Variants in SIRT4 observed in about 807,000 individuals in gnomAD.
SIRT4 encodes the protein sirtuin 4, also known as NAD-dependent protein lipoamidase sirtuin-4, mitochondrial.
Under a neutral mutation model 26.1 loss-of-function variants are expected in SIRT4, and 23 were observed. That is an observed-to-expected ratio of 0.88 (90% CI 0.63 to 1.25). SIRT4 has a LOEUF of 1.25. Ranked by LOEUF, SIRT4 falls within the 50% of genes most tolerant of loss-of-function variation. SIRT4 has a pLI of 0.00. For missense variants in SIRT4, 361 were observed against 405.4 expected (o/e 0.89, Z 0.94); for synonymous variants, 155 against 158.4 (o/e 0.98, Z 0.16).
chr12:120,305,405 C>T (rs986683518), intron 2 of SIRT4, among the ~76,000 whole-genome samples: 2 of 151,856 alleles, frequency 1.3e-5, no homozygotes, highest in Non-Finnish European at 2.9e-5. Flanking sequence ...CAAACGCCAC[C>T]GTGCCCAGCT....
chr12:120,296,113 A>G, the SIRT4 span, among the ~76,000 whole-genome samples: 4 of 149,862 alleles, frequency 2.7e-5, no homozygotes, highest in East Asian at 3.9e-4. Flanking sequence ...AAAAAAAAAA[A>G]GAAAGTAACA....
At chr12:120,309,466 C>T (rs1872873754) in intron 2 of SIRT4, among the ~76,000 whole-genome samples, 1 of 146,350 alleles carries the variant, frequency 6.8e-6, no homozygotes, top group Non-Finnish European at 1.5e-5. Context: ...GGCTGGAGAG[C>T]AGTGGTGAGA....
chr12:120,306,837 C>T (rs1002011489), intron 2 of SIRT4, among the ~76,000 whole-genome samples: 11 of 152,082 alleles, frequency 7.2e-5, no homozygotes, highest in African/African-American at 2.7e-4. Context: ...ACTGTTCGAA[C>T]GTGGCCTTTA....
chr12:120,295,836 T>A, the SIRT4 span, among the ~76,000 whole-genome samples: 1 of 151,608 alleles, frequency 6.6e-6, no homozygotes, highest in South Asian at 2.1e-4. Flanking sequence ...GGCAGGTGGA[T>A]CACCTGAGGT....
At chr12:120,292,930 A>C in the SIRT4 span, among the ~76,000 whole-genome samples, 1 of 152,218 alleles carries the variant, frequency 6.6e-6, no homozygotes, top group African/African-American at 2.4e-5. Flanking sequence ...ATAAACGCAA[A>C]TCACTAAAAC....
In SIRT4 at chr12:120,304,032, G is replaced by A. The variant is rs141059071; in HGVS notation, c.471G>A (p.Leu157=). The change falls in exon 2 of 4, where the codon CTG becomes CTA. Residue 157 remains leucine, a synonymous_variant. Coordinates refer to ENST00000202967, the MANE Select transcript of SIRT4 (RefSeq NM_012240.3). ...ALHTKAGSRR[L]TELHGCMDRV... The stretch of plus-strand genomic sequence containing the variant: ...ACACCAAGGCGGGGAGTCGGCGCCT[G>A]ACAGAGCTCCACGGATGCATGGACA... The A allele has an allele frequency of 6.8e-5, 109 of 1,609,994 alleles. 2 individuals carry two copies. Among genetic ancestry groups the A allele is most frequent in the South Asian group, 3.0e-4 (27 of 91,086 alleles).
At chr12:120,310,721 C>T (rs367759547) in intron 2 of SIRT4, among the ~76,000 whole-genome samples, 11 of 150,556 alleles carry the variant, frequency 7.3e-5, no homozygotes, top group African/African-American at 2.2e-4. Flanking sequence ...AGAGCCACCA[C>T]GCCTGGCCAA....
At chr12:120,298,839 G>T (rs555357174), upstream of SIRT4, among the ~76,000 whole-genome samples, 1 of 151,158 alleles carries the variant, frequency 6.6e-6, no homozygotes, top group Non-Finnish European at 1.5e-5. Context: ...CCCGGGAGGC[G>T]GAGGTTGCAG....
rs199742696 is a variant in SIRT4 at position 120,312,731 on chromosome 12, T to C, written c.773T>C (p.Val258Ala). 14 of 1,613,598 alleles carry C rather than the reference T, an allele frequency of 8.7e-6. No individual in the cohort carries two copies. The highest frequency in any genetic ancestry group is 1.0e-5 in the Non-Finnish European group (12 of 1,179,752). ...KRVKEADSLL[V>A]VGSSLQVYSG... ...GTAAAAGAAGCCGACTCCCTCTTGG[T>C]GGTGGGATCATCCTTGCAGGTATCT... Residue 258 changes from valine to alanine, a missense_variant, in exon 3 of 4, where the codon GTG (valine) becomes GCG (alanine). Physicochemically the swap from Val to Ala is moderately conservative, Grantham distance 64. Coordinates refer to ENST00000202967, the MANE Select transcript of SIRT4 (RefSeq NM_012240.3).
chr12:120,299,664 A>C (rs1872476206), upstream of SIRT4, among the ~76,000 whole-genome samples: 1 of 152,182 alleles, frequency 6.6e-6, no homozygotes, highest in East Asian at 1.9e-4. Flanking sequence ...ACAGAATTTC[A>C]GCCACTCATA....
At chr12:120,298,379 G>A (rs1872410679), upstream of SIRT4, among the ~76,000 whole-genome samples, 1 of 151,962 alleles carries the variant, frequency 6.6e-6, no homozygotes, top group Non-Finnish European at 1.5e-5. Context: ...AAAGCCTAGA[G>A]CCCAGGAGTT....
the SIRT4 span, among the ~76,000 whole-genome samples, chr12:120,296,347 A>G: frequency 1.3e-5 from 2 of 151,474 alleles, no homozygotes; most frequent in African/African-American, 4.8e-5. Context: ...CCTCCCGAGT[A>G]GCTGGGACTA....
chr12:120,292,698 A>G, the SIRT4 span, among the ~76,000 whole-genome samples: 1 of 151,488 alleles, frequency 6.6e-6, no homozygotes, highest in Admixed American at 6.6e-5. Flanking sequence ...TCACAAAATC[A>G]GCAACTCCAA....
At chr12:120,304,095 GTGT>G (rs1566463164) in intron 2 of SIRT4, 37 bp downstream of exon 2, 1 of 1,589,722 alleles carries the variant, frequency 6.3e-7, no homozygotes, top group Non-Finnish European at 8.5e-7. Context: ...GCAAACCCGT[GTGT>G]TGTTTTGGGA....
chr12:120,292,092 TAAG>T, the SIRT4 span, among the ~76,000 whole-genome samples: 8 of 152,218 alleles, frequency 5.3e-5, no homozygotes, highest in Non-Finnish European at 7.3e-5. Context: ...TTGAAAACCA[TAAG>T]AATATTCGCT....
At chr12:120,298,058 C>T (rs1255885882), upstream of SIRT4, among the ~76,000 whole-genome samples, 12 of 151,560 alleles carry the variant, frequency 7.9e-5, no homozygotes, top group Admixed American at 7.9e-4. Flanking sequence ...TGGCCGGGCG[C>T]AGTGGCTCAC....
intron 2 of SIRT4, among the ~76,000 whole-genome samples, chr12:120,305,741 G>A (rs757352168): frequency 1.1e-4 from 16 of 152,208 alleles, no homozygotes; most frequent in Admixed American, 2.0e-4. Flanking sequence ...GGCTGGGCGC[G>A]GCGGCTCACG....
chr12:120,292,559 G>A, the SIRT4 span, among the ~76,000 whole-genome samples: 11 of 152,314 alleles, frequency 7.2e-5, no homozygotes, highest in Admixed American at 7.2e-4. Flanking sequence ...CCGAGATCGC[G>A]CCAGTGCACT....
Position 120,303,594 on chromosome 12 carries a change from A to T in SIRT4, c.33A>T (p.Ser11=). ...TGAGCTTTGCGTTGACTTTCAGGTC[A>T]GCAAAAGGCCGTTGGATCGCAAACC... MKMSFALTFR[S]AKGRWIANPS... is the part of the protein sequence containing the mutation. The change falls in exon 2 of 4, where the codon TCA becomes TCT. Residue 11 remains serine (S), a synonymous_variant. Coordinates refer to ENST00000202967, the MANE Select transcript of SIRT4 (RefSeq NM_012240.3). The T allele has an allele frequency of 6.2e-7, 1 of 1,613,562 alleles. No homozygotes were observed. The highest frequency in any genetic ancestry group is 1.1e-5 in the South Asian group (1 of 91,020).
Sources: gnomAD v4.1 joint callset for allele counts (sites outside exome capture counted in the v4.1 genomes callset) on GRCh38, gnomAD v4.1.1 for gene constraint, MANE v1.5 for transcripts, NCBI Gene and HGNC (gene_info 2026-07-23, HGNC 2026-07-21) for gene names.